EBF1: variants seen among roughly 807,000 people sequenced by gnomAD.
The protein encoded by EBF1 is transcription factor COE1.
Under a neutral mutation model 68.4 loss-of-function variants are expected in EBF1, and 10 were observed. The observed-to-expected ratio is 0.15, with a 90% CI of 0.09 to 0.25. The LOEUF (loss-of-function observed/expected upper bound fraction) is 0.25. Ranked by LOEUF, EBF1 falls within the 10% of genes least tolerant of loss-of-function variation. The probability of loss-of-function intolerance (pLI) is 1.00; values close to 1 mark genes in which losing one functional copy is unlikely to be tolerated. For synonymous variants in EBF1, 298 were observed against 299.8 expected (o/e 0.99, Z 0.06); for missense variants, 509 against 794.4 (o/e 0.64, Z 4.32).
At chr5:159,035,149 G>A (rs543475879) in intron 6 of EBF1, among the ~76,000 whole-genome samples, 6 of 152,154 alleles carry the variant, frequency 3.9e-5, no homozygotes, top group East Asian at 3.9e-4. Context: ...GAGAGAGAAC[G>A]AGAACCAAGG....
chr5:159,020,328 C>A (rs1290841923), intron 6 of EBF1, among the ~76,000 whole-genome samples: 3 of 152,140 alleles, frequency 2.0e-5, no homozygotes, highest in Non-Finnish European at 2.9e-5. Context: ...CCGCAAGAGG[C>A]TCTAAGTCCC....
At chr5:158,862,980 A>G (rs539725323) in intron 6 of EBF1, among the ~76,000 whole-genome samples, 2 of 152,180 alleles carry the variant, frequency 1.3e-5, no homozygotes, top group Non-Finnish European at 2.9e-5. Flanking sequence ...AGCCTCAAAT[A>G]CAACTGCTAG....
At chr5:158,778,485 T>A (rs1775760956) in intron 9 of EBF1, among the ~76,000 whole-genome samples, 1 of 152,086 alleles carries the variant, frequency 6.6e-6, no homozygotes, top group Non-Finnish European at 1.5e-5. Flanking sequence ...CTGCATACAG[T>A]GGATAATTTA....
chr5:158,842,435 G>A (rs1790519481), intron 6 of EBF1, among the ~76,000 whole-genome samples: 1 of 152,194 alleles, frequency 6.6e-6, no homozygotes, highest in South Asian at 2.1e-4. Flanking sequence ...CCAGGAGAGG[G>A]CTGATTATCA....
rs1393453851 is a variant in EBF1, at chr5:158,712,212, G to A, written c.1491C>T (p.Ser497=). The part of the protein sequence containing the change: ...SMNGYGSAAM[S]NLGGSPTFLN... ...GGAAGGTGGGGGAGCCGCCCAAATTGGACATTGCGGCAGAGCCGTATCCGT... is the reference window on the plus strand; with the variant it reads ...GGAAGGTGGGGGAGCCGCCCAAATTAGACATTGCGGCAGAGCCGTATCCGT... Residue 497 remains serine, a synonymous_variant, in exon 14 of 16, where the codon TCC becomes TCT. Transcript: ENST00000313708. 3.1e-6 allele frequency: 5 copies of A among 1,613,770 alleles called. No homozygotes were observed. Among genetic ancestry groups the A allele is most frequent in the Non-Finnish European group, 3.4e-6 (4 of 1,179,880 alleles).
chr5:158,795,797 T>G (rs1181916195), intron 9 of EBF1, among the ~76,000 whole-genome samples: 1 of 152,182 alleles, frequency 6.6e-6, no homozygotes, highest in Non-Finnish European at 1.5e-5. Flanking sequence ...CACACTGAGA[T>G]GCTTGAGAGC....
At chr5:158,930,711 T>G (rs1281829343) in intron 6 of EBF1, among the ~76,000 whole-genome samples, 2 of 152,216 alleles carry the variant, frequency 1.3e-5, no homozygotes, top group Non-Finnish European at 2.9e-5. Flanking sequence ...TTCACATTTC[T>G]AAGGCATCTA....
intron 10 of EBF1, among the ~76,000 whole-genome samples, chr5:158,740,953 T>C (rs1766243643): frequency 6.6e-6 from 1 of 152,250 alleles, no homozygotes; most frequent in African/African-American, 2.4e-5. Flanking sequence ...CCAAAAGCAA[T>C]GCCCAACAAT....
intron 6 of EBF1, among the ~76,000 whole-genome samples, chr5:158,945,338 C>G (rs1365193175): frequency 6.6e-6 from 1 of 152,136 alleles, no homozygotes; most frequent in East Asian, 1.9e-4. Flanking sequence ...GATTCTTTCC[C>G]CATTACTTGT....
At chr5:158,918,504 C>CCAGACA (rs146855143) in intron 6 of EBF1, among the ~76,000 whole-genome samples, 1 of 151,476 alleles carries the variant, frequency 6.6e-6, no homozygotes, top group Non-Finnish European at 1.5e-5. Context: ...ATTAGTGTTA[C>CCAGACA]GAGACAGAGA....
At chr5:158,783,199 C>G (rs1244817565) in intron 9 of EBF1, among the ~76,000 whole-genome samples, 1 of 152,038 alleles carries the variant, frequency 6.6e-6, no homozygotes, top group Non-Finnish European at 1.5e-5. Context: ...CAAACTTGCA[C>G]TGGATCATGT....
At chr5:158,706,641 C>T (rs557724849) in intron 15 of EBF1, among the ~76,000 whole-genome samples, 1 of 152,288 alleles carries the variant, frequency 6.6e-6, no homozygotes, top group South Asian at 2.1e-4. Flanking sequence ...CTTCCTCACC[C>T]CTCCCTGACT....
chr5:158,728,868 T>A (rs1763514537), intron 11 of EBF1, among the ~76,000 whole-genome samples: 1 of 152,202 alleles, frequency 6.6e-6, no homozygotes, highest in Admixed American at 6.5e-5. Context: ...CGATAAGTAT[T>A]TTTAAAGTGG....
chr5:158,842,441 T>A (rs1356263995), intron 6 of EBF1, among the ~76,000 whole-genome samples: 1 of 152,214 alleles, frequency 6.6e-6, no homozygotes, highest in Non-Finnish European at 1.5e-5. Context: ...GAGGGCTGAT[T>A]ATCACTAAAC....
intron 6 of EBF1, among the ~76,000 whole-genome samples, chr5:158,859,276 AG>A (rs2128024771): frequency 6.6e-6 from 1 of 152,272 alleles, no homozygotes; most frequent in African/African-American, 2.4e-5. Flanking sequence ...CTGACCTCCA[AG>A]CTTTAGCTCA....
At chr5:159,041,754 C>T (rs902631211) in intron 6 of EBF1, among the ~76,000 whole-genome samples, 2 of 152,164 alleles carry the variant, frequency 1.3e-5, no homozygotes, top group African/African-American at 4.8e-5. Context: ...CAGACCAGCT[C>T]CTATATTTAG....
At chr5:159,061,434 A>G (rs1775800999) in intron 6 of EBF1, among the ~76,000 whole-genome samples, 1 of 138,196 alleles carries the variant, frequency 7.2e-6, no homozygotes, top group African/African-American at 3.0e-5. Flanking sequence ...AACTTCCAAG[A>G]AAAAAAAAAA....
intron 6 of EBF1, among the ~76,000 whole-genome samples, chr5:158,915,561 G>A (rs1392118492): frequency 6.6e-6 from 1 of 152,138 alleles, no homozygotes; most frequent in Admixed American, 6.5e-5. Context: ...GGACATTTAT[G>A]TAAAGCAATC....
chr5:158,754,669 T>C (rs1160412179), intron 10 of EBF1, among the ~76,000 whole-genome samples: 2 of 152,128 alleles, frequency 1.3e-5, no homozygotes, highest in Non-Finnish European at 2.9e-5. Context: ...AAATCTATGA[T>C]ATCAGATTGG....
Sources: gnomAD v4.1 joint callset for allele counts (sites outside exome capture counted in the v4.1 genomes callset) on GRCh38, gnomAD v4.1.1 for gene constraint, MANE v1.5 for transcripts, NCBI Gene and HGNC (gene_info 2026-07-23, HGNC 2026-07-21) for gene names.